SPRED1: variants seen among roughly 807,000 people sequenced by gnomAD.
SPRED1 encodes sprouty-related, EVH1 domain-containing protein 1.
Under a neutral mutation model 52.3 loss-of-function variants are expected in SPRED1, and 18 were observed. The ratio of observed to expected loss-of-function variants is 0.34; its 90% CI spans 0.24 to 0.51. The LOEUF (loss-of-function observed/expected upper bound fraction) is 0.51. Among genes scored for constraint, SPRED1 ranks in the 20% least tolerant of loss-of-function variants. The pLI is 0.97. For missense variants in SPRED1, 485 were observed against 551.0 expected, an observed-to-expected ratio of 0.88 and a Z score of 1.20; for synonymous variants, 155 against 179.7, an observed-to-expected ratio of 0.86 and a Z score of 1.10.
In SPRED1 at chr15:38,281,784, A is replaced by C. The variant is rs1894695018; in HGVS notation, c.33-17589A>C. Among the ~76,000 whole-genome samples, 3 of 152,130 alleles carry C rather than the reference A, an allele frequency of 2.0e-5. No homozygotes were observed. The South Asian group carries it at 6.2e-4, about 32-fold the overall frequency. ...TACATTTTTGTATAAAAATATATAA[A>C]ATACATAGCTTTAGAGACATGCTGT... On this transcript the variant is annotated intron_variant, in intron 1 of 6. Coordinates refer to ENST00000299084, the MANE Select transcript of SPRED1 (RefSeq NM_152594.3).
chr15:38,259,959 A>T (rs9919985), intron 1 of SPRED1, among the ~76,000 whole-genome samples: 8,212 of 152,304 alleles, frequency 0.054, 281 homozygotes, highest in South Asian at 0.11. Context: ...TAGACAAAGC[A>T]TTCTTAAAAT....
intron 4 of SPRED1, among the ~76,000 whole-genome samples, chr15:38,326,636 T>G (rs572266954): frequency 3.6e-4 from 55 of 152,328 alleles, no homozygotes; most frequent in African/African-American, 1.3e-3. Context: ...AGAGTTTTTC[T>G]CATTTATGAG....
chr15:38,325,724 A>G (rs1478116048), intron 4 of SPRED1, among the ~76,000 whole-genome samples: 1 of 152,178 alleles, frequency 6.6e-6, no homozygotes, highest in African/African-American at 2.4e-5. Flanking sequence ...GCGTTCAGAC[A>G]ATAGCCATAT....
Position 38,336,494 on chromosome 15 carries a change from A to G in SPRED1, c.424-3243A>G, listed in dbSNP as rs115135355. 8.7e-3 allele frequency among the ~76,000 whole-genome samples: 1,255 copies of G among 144,212 alleles called. 18 individuals carry two copies. Among genetic ancestry groups the G allele is most frequent in the African/African-American group, 0.031 (1,186 of 37,822 alleles). 94.6% of individuals were successfully genotyped at this position (144,212 alleles called of 152,430 possible). A position where few individuals can be genotyped will look rare whatever the true frequency, so the allele number is the denominator to read the frequency against. ...ATATATATGTTATATATATTATTTG[A>G]GTCATTTTCAGAAATCTCTGGAACA... On this transcript the variant is annotated intron_variant, in intron 4 of 6. Coordinates refer to ENST00000299084, the MANE Select transcript of SPRED1 (RefSeq NM_152594.3).
chr15:38,309,980 T>C (rs1465706787), intron 2 of SPRED1, among the ~76,000 whole-genome samples: 1 of 152,214 alleles, frequency 6.6e-6, no homozygotes, highest in African/African-American at 2.4e-5. Context: ...ATTGTGGCTA[T>C]ATAAGAAGCC....
chr15:38,300,278 GA>G, intron 2 of SPRED1, among the ~76,000 whole-genome samples: 1 of 152,094 alleles, frequency 6.6e-6, no homozygotes, highest in South Asian at 2.1e-4. Flanking sequence ...GATTACATCC[GA>G]AAAGCTGAGT....
rs1888523273 is a variant in SPRED1, at chr15:38,352,857, G to A, written c.*1193G>A. 1 of 152,070 alleles carries A rather than the reference G, an allele frequency of 6.6e-6. No homozygotes were observed. The highest frequency in any genetic ancestry group is 2.4e-5 in the African/African-American group (1 of 41,442). 9.4% of individuals were successfully genotyped at this position (152,070 alleles called of 1,614,324 possible). A position where few individuals can be genotyped will look rare whatever the true frequency, so the allele number is the denominator to read the frequency against. ...AAGCAAAATTATTTTATGTTAAAAT[G>A]TGTGCTAAACTATCCCAGGAAAGTA... is the stretch of plus-strand genomic sequence containing the variant. On this transcript the variant is annotated 3_prime_UTR_variant, in exon 7 of 7. Coordinates refer to ENST00000299084, the MANE Select transcript of SPRED1 (RefSeq NM_152594.3).
chr15:38,305,342 CAA>C (rs371313597), intron 2 of SPRED1, among the ~76,000 whole-genome samples: 31 of 131,642 alleles, frequency 2.4e-4, no homozygotes, highest in Admixed American at 9.1e-4. Flanking sequence ...AAATAAAAAA[CAA>C]AAAAAAAAAA....
intron 4 of SPRED1, among the ~76,000 whole-genome samples, chr15:38,328,161 G>C (rs182185129): frequency 6.6e-6 from 1 of 152,160 alleles, no homozygotes; most frequent in Admixed American, 6.5e-5. Flanking sequence ...GTTTATATCG[G>C]GTTTACTTCA....
intron 1 of SPRED1, among the ~76,000 whole-genome samples, chr15:38,256,474 C>T (rs756146967): frequency 2.0e-5 from 3 of 151,992 alleles, no homozygotes; most frequent in Non-Finnish European, 4.4e-5. Flanking sequence ...GTCAATTTGG[C>T]CAAAACATTT....
chr15:38,306,415 T>G (rs1441364509), intron 2 of SPRED1, among the ~76,000 whole-genome samples: 3 of 151,990 alleles, frequency 2.0e-5, no homozygotes, highest in African/African-American at 7.2e-5. Context: ...GATGGAAAAA[T>G]AGGAAAACTG....
At chr15:38,318,016 G>A (rs1266909168) in intron 2 of SPRED1, among the ~76,000 whole-genome samples, 1 of 151,940 alleles carries the variant, frequency 6.6e-6, no homozygotes, top group African/African-American at 2.4e-5. Flanking sequence ...ATTGTACATT[G>A]CATAGGGAAC....
At chr15:38,304,544 T>C (rs145243281) in intron 2 of SPRED1, among the ~76,000 whole-genome samples, 1 of 152,362 alleles carries the variant, frequency 6.6e-6, no homozygotes, top group Admixed American at 6.5e-5. Context: ...AATCCCATTA[T>C]TGAATCTGTG....
At chr15:38,301,971 G>A (rs1381770286) in intron 2 of SPRED1, among the ~76,000 whole-genome samples, 2 of 151,852 alleles carry the variant, frequency 1.3e-5, no homozygotes, top group East Asian at 3.9e-4. Context: ...CCTTCTCGGT[G>A]AATAAACAGT....
rs72709666 is a variant in SPRED1, at chr15:38,259,317, T to G, written c.32+6100T>G. Among the ~76,000 whole-genome samples the G allele has an allele frequency of 1.7e-3, 256 of 152,324 alleles. 1 individual carries two copies. The highest frequency in any genetic ancestry group is 2.9e-3 in the Non-Finnish European group (195 of 68,020). On this transcript the variant is annotated intron_variant, in intron 1 of 6. Coordinates refer to ENST00000299084, the MANE Select transcript of SPRED1 (RefSeq NM_152594.3). ...TCCAGGCTGGAGGGCAGTACAGTGG[T>G]ATGATCATAGCTCACTGCAGCCTTG...
At chr15:38,259,756 T>C (rs1229639935) in intron 1 of SPRED1, among the ~76,000 whole-genome samples, 1 of 152,220 alleles carries the variant, frequency 6.6e-6, no homozygotes, top group Non-Finnish European at 1.5e-5. Context: ...TGTATATTAG[T>C]TTAAGAAGTT....
At chr15:38,275,039 C>T (rs1409659839) in intron 1 of SPRED1, among the ~76,000 whole-genome samples, 1 of 152,182 alleles carries the variant, frequency 6.6e-6, no homozygotes, top group Non-Finnish European at 1.5e-5. Context: ...TATTTTCTGT[C>T]ATTCACTTGT....
chr15:38,296,127 A>G (rs1410657946), intron 1 of SPRED1, among the ~76,000 whole-genome samples: 3 of 152,106 alleles, frequency 2.0e-5, no homozygotes, highest in Admixed American at 2.0e-4. Context: ...AAAATCTCAG[A>G]TCTCCAGACT....
At chr15:38,265,473 A>G (rs1202892827) in intron 1 of SPRED1, among the ~76,000 whole-genome samples, 2 of 152,190 alleles carry the variant, frequency 1.3e-5, no homozygotes, top group Non-Finnish European at 2.9e-5. Flanking sequence ...TTAGAAAGCA[A>G]CTTTTCAGAA....
Sources: allele counts gnomAD v4.1 joint callset (sites outside exome capture counted in the v4.1 genomes callset), GRCh38; gene constraint gnomAD v4.1.1; transcripts MANE v1.5; gene names NCBI Gene and HGNC (gene_info 2026-07-23, HGNC 2026-07-21).